Variants in KIRREL3 observed in about 807,000 individuals in gnomAD.
KIRREL3 encodes kin of IRRE-like protein 3.
In KIRREL3, 36 loss-of-function variants were observed where a neutral mutation model predicts 89.7. The observed-to-expected ratio is 0.40, with a 90% CI of 0.31 to 0.53. KIRREL3 has a LOEUF of 0.53. Among genes scored for constraint, KIRREL3 ranks in the 20% least tolerant of loss-of-function variants. KIRREL3 has a pLI of 0.49. For synonymous variants in KIRREL3, 445 were observed against 441.4 expected, an observed-to-expected ratio of 1.01 and a Z score of -0.10; for missense variants, 864 against 1,056.6, an observed-to-expected ratio of 0.82 and a Z score of 2.53.
chr11:126,635,141 C>G lies in KIRREL3; in HGVS notation c.56-72229G>C, dbSNP rs1482692419. On this transcript the variant is annotated intron_variant, in intron 1 of 16. Coordinates refer to ENST00000525144, the MANE Select transcript of KIRREL3 (RefSeq NM_032531.4). The surrounding 1 kb of genome is among the most constrained non-coding windows in gnomAD (Gnocchi z 4.0). Reference sequence around the variant, plus strand: ...CAATGAGCAGGATTGAACCTTGAACCCAACAAAAGGGTCTGCAGTGAGGCA... The same window carrying G: ...CAATGAGCAGGATTGAACCTTGAACGCAACAAAAGGGTCTGCAGTGAGGCA... 6.6e-6 allele frequency among the ~76,000 whole-genome samples: 1 copy of G among 152,182 alleles called. No homozygotes were observed. Among genetic ancestry groups the G allele is most frequent in the Non-Finnish European group, 1.5e-5 (1 of 68,026 alleles).
In KIRREL3 at chr11:126,797,991, G is replaced by T. The variant is rs953871995; in HGVS notation, c.55+202464C>A. On this transcript the variant is annotated intron_variant, in intron 1 of 16. Coordinates refer to ENST00000525144, the MANE Select transcript of KIRREL3 (RefSeq NM_032531.4). The surrounding 1 kb of genome is among the most constrained non-coding windows in gnomAD (Gnocchi z 4.9). The stretch of plus-strand genomic sequence containing the variant: ...CTAACTCCTGTGTGCTCCTGGAGAG[G>T]TGGAGGAAGGCTCATATCTTGGGGC... Among the ~76,000 whole-genome samples the T allele has an allele frequency of 6.6e-6, 1 of 152,186 alleles. No homozygotes were observed. Among genetic ancestry groups the T allele is most frequent in the African/African-American group, 2.4e-5 (1 of 41,432 alleles).
At chr11:126,488,204 A>G (rs908103214) in intron 4 of KIRREL3, among the ~76,000 whole-genome samples, 1 of 152,184 alleles carries the variant, frequency 6.6e-6, no homozygotes, top group African/African-American at 2.4e-5. Flanking sequence ...TATCCCTACA[A>G]TTAAGTTTGC....
At chr11:126,874,753 C>T (rs545616178) in intron 1 of KIRREL3, among the ~76,000 whole-genome samples, 1 of 152,262 alleles carries the variant, frequency 6.6e-6, no homozygotes, top group East Asian at 1.9e-4. Context: ...TAGAATTAAG[C>T]ATCCCAGTTG....
In KIRREL3 at chr11:127,000,612, C is replaced by T; in HGVS notation, c.-103G>A. ...CAGCCTCCGCCGGTCCTCTCGGGTT[C>T]GCGCCTACCATCTGTCCGTCCGTGG... On this transcript the variant is annotated 5_prime_UTR_variant, in exon 1 of 17. Coordinates refer to ENST00000525144, the MANE Select transcript of KIRREL3 (RefSeq NM_032531.4). This position sits in a 1 kb window ranked among gnomAD's most constrained non-coding sequence, Gnocchi z 7.1. 1 of 1,233,588 alleles carries T rather than the reference C, an allele frequency of 8.1e-7. No homozygotes were observed. Among genetic ancestry groups the T allele is most frequent in the Non-Finnish European group, 1.1e-6 (1 of 872,516 alleles). 76.4% of individuals were successfully genotyped at this position (1,233,588 alleles called of 1,614,324 possible).
rs1591813609 is a variant in KIRREL3, at chr11:126,610,039, C to T, written c.56-47127G>A. ...GGTTAAGTAAATGAGGCCGAAGTCA[C>T]ACATTGTTTCAGTTACAAAGTTAGG... On this transcript the variant is annotated intron_variant, in intron 1 of 16. Transcript: ENST00000525144. This position sits in a 1 kb window ranked among gnomAD's most constrained non-coding sequence, Gnocchi z 4.6. Among the ~76,000 whole-genome samples, 2 of 152,116 alleles carry T rather than the reference C, an allele frequency of 1.3e-5. No homozygotes were observed. Among genetic ancestry groups the T allele is most frequent in the African/African-American group, 4.8e-5 (2 of 41,420 alleles).
chr11:126,645,065 A>T lies in KIRREL3; in HGVS notation c.56-82153T>A, dbSNP rs1214946112. On this transcript the variant is annotated intron_variant, in intron 1 of 16. Coordinates refer to ENST00000525144, the MANE Select transcript of KIRREL3 (RefSeq NM_032531.4). The surrounding 1 kb of genome is among the most constrained non-coding windows in gnomAD (Gnocchi z 4.9). The stretch of plus-strand genomic sequence containing the variant: ...TGGGAGGAGCATTTCAGTCAATGGG[A>T]GAGTGGATAAATGAGCAGAGGTGAA... Among the ~76,000 whole-genome samples, 2 of 152,108 alleles carry T rather than the reference A, an allele frequency of 1.3e-5. No homozygotes were observed. Among genetic ancestry groups the T allele is most frequent in the Admixed American group, 6.5e-5 (1 of 15,274 alleles).
At chr11:126,975,942 T>TC (rs1949562528) in intron 1 of KIRREL3, among the ~76,000 whole-genome samples, 1 of 79,402 alleles carries the variant, frequency 1.3e-5, no homozygotes, top group African/African-American at 5.3e-5. Context: ...CTCCCTCCCT[T>TC]CCTTCCTTCC....
Position 126,918,864 on chromosome 11 carries a change from T to C in KIRREL3, c.55+81591A>G, listed in dbSNP as rs1212157890. ...CATTCCTATGACACCAGATGGGGAATGTATTGTTACATGTATTTTAACAAT... is the reference window on the plus strand; with the variant it reads ...CATTCCTATGACACCAGATGGGGAACGTATTGTTACATGTATTTTAACAAT... On this transcript the variant is annotated intron_variant, in intron 1 of 16. Transcript: ENST00000525144. This position sits in a 1 kb window ranked among gnomAD's most constrained non-coding sequence, Gnocchi z 6.5. Among the ~76,000 whole-genome samples the C allele has an allele frequency of 1.3e-5, 2 of 152,098 alleles. No homozygotes were observed. Among genetic ancestry groups the C allele is most frequent in the African/African-American group, 4.8e-5 (2 of 41,430 alleles).
rs1945133268 is a variant in KIRREL3, at chr11:126,872,288, C to T, written c.55+128167G>A. Reference sequence around the variant, plus strand: ...GTATGGTTCCAGAAACTCCCTGCCCCTTTTCTAGAAAGATCTAAGTAACCA... The same window carrying T: ...GTATGGTTCCAGAAACTCCCTGCCCTTTTTCTAGAAAGATCTAAGTAACCA... On this transcript the variant is annotated intron_variant, in intron 1 of 16. Transcript: ENST00000525144. The surrounding 1 kb of genome is among the most constrained non-coding windows in gnomAD (Gnocchi z 4.2). 6.6e-6 allele frequency among the ~76,000 whole-genome samples: 1 copy of T among 152,200 alleles called. No homozygotes were observed. Among genetic ancestry groups the T allele is most frequent in the South Asian group, 2.1e-4 (1 of 4,828 alleles).
chr11:126,788,219 ATC>A lies in KIRREL3; in HGVS notation c.55+212234_55+212235del, dbSNP rs1396328172. On this transcript the variant is annotated intron_variant, in intron 1 of 16. Coordinates refer to ENST00000525144, the MANE Select transcript of KIRREL3 (RefSeq NM_032531.4). This position sits in a 1 kb window ranked among gnomAD's most constrained non-coding sequence, Gnocchi z 4.1. ...ATCTGGAAGGAAATCGTTTCTAACCATCTCTTTTTCATTCCTATGGACGTTGC... is the reference window on the plus strand; with the variant it reads ...ATCTGGAAGGAAATCGTTTCTAACCATCTTTTTCATTCCTATGGACGTTGC... 6.6e-6 allele frequency among the ~76,000 whole-genome samples: 1 copy of A among 152,180 alleles called. No homozygotes were observed. The highest frequency in any genetic ancestry group is 1.5e-5 in the Non-Finnish European group (1 of 68,030).
rs6144553 is a variant in KIRREL3, at chr11:126,821,329, GTATATATATA to G, written c.55+179116_55+179125del. On this transcript the variant is annotated intron_variant, in intron 1 of 16. Transcript: ENST00000525144. ...TTTCATGGGTCAACGGATAAACACA[GTATATATATA>G]TATATATATATATGTAACTTCCAAC... Among the ~76,000 whole-genome samples, 175 of 103,528 alleles carry G rather than the reference GTATATATATA, an allele frequency of 1.7e-3. 19 individuals are homozygous for G. Among genetic ancestry groups the G allele is most frequent in the African/African-American group, 8.0e-3 (159 of 19,996 alleles). The allele number at this position is 103,528 out of a possible 152,430, so 67.9% of individuals were successfully genotyped here. A position where few individuals can be genotyped will look rare whatever the true frequency, so the allele number is the denominator to read the frequency against.
At chr11:126,907,287 G>A (rs1946625693) in intron 1 of KIRREL3, among the ~76,000 whole-genome samples, 1 of 152,168 alleles carries the variant, frequency 6.6e-6, no homozygotes, top group Non-Finnish European at 1.5e-5. Flanking sequence ...TGGAACCTAG[G>A]CGAGGGAGGG....
intron 4 of KIRREL3, among the ~76,000 whole-genome samples, chr11:126,514,101 G>C (rs1958323367): frequency 6.6e-6 from 1 of 152,148 alleles, no homozygotes; most frequent in South Asian, 2.1e-4. Flanking sequence ...GAAGGGAGCT[G>C]GGAGCGAGCT....
At chr11:126,839,779 G>A (rs1053687781) in intron 1 of KIRREL3, among the ~76,000 whole-genome samples, 7 of 152,130 alleles carry the variant, frequency 4.6e-5, no homozygotes, top group African/African-American at 1.7e-4. Flanking sequence ...TATGTATTAC[G>A]CTACTTATAC....
rs569316617 is a variant in KIRREL3, at chr11:126,611,579, G to A, written c.56-48667C>T. ...ACTCTTCCCTTTATCCTGAGGTGTCGTGAGGGCAATGGCCTGCAGAGTCCA... is the reference window on the plus strand; with the variant it reads ...ACTCTTCCCTTTATCCTGAGGTGTCATGAGGGCAATGGCCTGCAGAGTCCA... On this transcript the variant is annotated intron_variant, in intron 1 of 16. Coordinates refer to ENST00000525144, the MANE Select transcript of KIRREL3 (RefSeq NM_032531.4). The surrounding 1 kb of genome is among the most constrained non-coding windows in gnomAD (Gnocchi z 4.7). Among the ~76,000 whole-genome samples the A allele has an allele frequency of 5.9e-5, 9 of 152,024 alleles. No individual in the cohort carries two copies. Among genetic ancestry groups the A allele is most frequent in the South Asian group, 4.2e-4 (2 of 4,800 alleles).
intron 1 of KIRREL3, among the ~76,000 whole-genome samples, chr11:126,567,546 A>G (rs1050122107): frequency 2.6e-5 from 4 of 152,146 alleles, no homozygotes; most frequent in African/African-American, 9.7e-5. Context: ...AGGCCTGGCA[A>G]TTTCCACTGG....
In KIRREL3 at chr11:126,647,372, A is replaced by G. The variant is rs1944729799; in HGVS notation, c.56-84460T>C. Among the ~76,000 whole-genome samples, 1 of 152,164 alleles carries G rather than the reference A, an allele frequency of 6.6e-6. No homozygotes were observed. Among genetic ancestry groups the G allele is most frequent in the African/African-American group, 2.4e-5 (1 of 41,420 alleles). The stretch of plus-strand genomic sequence containing the variant: ...TAATGAGTTTCTGCTAGGTAAGGAA[A>G]CCCAGCCCCAGGAGGGAGACTGAGA... On this transcript the variant is annotated intron_variant, in intron 1 of 16. Transcript: ENST00000525144. The surrounding 1 kb of genome is among the most constrained non-coding windows in gnomAD (Gnocchi z 4.9).
rs948050916 is a variant in KIRREL3 at position 126,747,318 on chromosome 11, T to C, written c.56-184406A>G. Among the ~76,000 whole-genome samples, 1 of 152,220 alleles carries C rather than the reference T, an allele frequency of 6.6e-6. No homozygotes were observed. The highest frequency in any genetic ancestry group is 2.4e-5 in the African/African-American group (1 of 41,450). On this transcript the variant is annotated intron_variant, in intron 1 of 16. Coordinates refer to ENST00000525144, the MANE Select transcript of KIRREL3 (RefSeq NM_032531.4). The surrounding 1 kb of genome is among the most constrained non-coding windows in gnomAD (Gnocchi z 4.7). ...TGAGGATTAAATAAAATACTGGGGA[T>C]AGAGCTCTTTGCTCATTATCTAGCG...
rs182184014 is a variant in KIRREL3, at chr11:126,809,530, G to T, written c.55+190925C>A. Among the ~76,000 whole-genome samples the T allele has an allele frequency of 2.0e-5, 3 of 152,344 alleles. No homozygotes were observed. In the East Asian group the frequency reaches 5.8e-4, roughly 29 times the overall value. On this transcript the variant is annotated intron_variant, in intron 1 of 16. Coordinates refer to ENST00000525144, the MANE Select transcript of KIRREL3 (RefSeq NM_032531.4). ...TAAGTAATAGCAAATGCAAAGAAGG[G>T]AGAGGCAACAAGAACAAATTAAATA...
Sources: gnomAD v4.1 joint callset for allele counts (sites outside exome capture counted in the v4.1 genomes callset) on GRCh38, gnomAD v4.1.1 for gene constraint, Gnocchi (gnomAD v3.1) non-coding constraint, MANE v1.5 for transcripts, NCBI Gene and HGNC (gene_info 2026-07-23, HGNC 2026-07-21) for gene names.